The following SRBD1 variants were observed in gnomAD, a reference collection of about 807,000 sequenced individuals.
SRBD1 encodes S1 RNA-binding domain-containing protein 1.
SRBD1 carries 88 observed loss-of-function variants against 115.3 expected under a neutral mutation model. The observed-to-expected ratio is 0.76, with a 90% confidence interval of 0.64 to 0.91. The LOEUF (loss-of-function observed/expected upper bound fraction) is 0.91. Among genes scored for constraint, SRBD1 ranks in the 40% least tolerant of loss-of-function variants. The pLI is 0.00. For missense variants in SRBD1, 1,385 were observed against 1,177.4 expected (o/e 1.18, Z -2.58); for synonymous variants, 509 against 407.7 (o/e 1.25, Z -2.99).
At position 45,610,475 on chromosome 2, in the gene SRBD1, G is replaced by GA. The variant is rs1169090589; in HGVS notation, c.-1+743dup. Among the ~76,000 whole-genome samples, 6 of 152,180 alleles carry GA rather than the reference G, an allele frequency of 3.9e-5. No homozygotes were observed. In the East Asian group the frequency reaches 1.2e-3, roughly 29 times the overall value. ...TCAGAAATCTGAGACCCAATGAGGT[G>GA]AAACAGTTTACTCAAAGGGGAAAGA... On this transcript the variant is annotated intron_variant, in intron 1 of 20. Coordinates refer to ENST00000263736, the MANE Select transcript of SRBD1 (RefSeq NM_018079.5).
At chr2:45,568,474 TC>T (rs1318333318) in intron 9 of SRBD1, among the ~76,000 whole-genome samples, 2 of 152,168 alleles carry the variant, frequency 1.3e-5, no homozygotes, top group Non-Finnish European at 2.9e-5. Context: ...TAGCATATCA[TC>T]ACTCCGGCCT....
intron 12 of SRBD1, among the ~76,000 whole-genome samples, chr2:45,549,476 A>T (rs903116212): frequency 1.3e-5 from 2 of 152,040 alleles, no homozygotes; most frequent in African/African-American, 4.8e-5. Context: ...AAGCAAAAAA[A>T]TTTTTAAAAG....
chr2:45,545,013 G>A (rs1468938656), intron 14 of SRBD1, among the ~76,000 whole-genome samples: 1 of 152,006 alleles, frequency 6.6e-6, no homozygotes, highest in Non-Finnish European at 1.5e-5. Flanking sequence ...GGGCGCGGTG[G>A]CTCATGCCTG....
At chr2:45,396,424 C>T (rs957176532) in intron 19 of SRBD1, among the ~76,000 whole-genome samples, 4 of 152,134 alleles carry the variant, frequency 2.6e-5, no homozygotes, top group Non-Finnish European at 4.4e-5. Flanking sequence ...GTCATATTCT[C>T]ATTTTCTCCA....
chr2:45,391,693 C>G (rs886227397), intron 20 of SRBD1, among the ~76,000 whole-genome samples: 9 of 152,034 alleles, frequency 5.9e-5, no homozygotes, highest in African/African-American at 2.2e-4. Context: ...AGTCCAGAGC[C>G]CAGATGCATC....
intron 14 of SRBD1, among the ~76,000 whole-genome samples, chr2:45,514,494 C>T (rs1381667681): frequency 6.6e-6 from 1 of 152,182 alleles, no homozygotes; most frequent in Non-Finnish European, 1.5e-5. Flanking sequence ...CTGCGTTTAA[C>T]TCCTAAAGTG....
intron 16 of SRBD1, among the ~76,000 whole-genome samples, chr2:45,466,225 G>C (rs1669484141): frequency 6.6e-6 from 1 of 152,092 alleles, no homozygotes; most frequent in Admixed American, 6.6e-5. Context: ...AAGAAATGTA[G>C]GGGAACAACT....
At chr2:45,481,382 G>A (rs1669959022) in intron 15 of SRBD1, among the ~76,000 whole-genome samples, 1 of 152,066 alleles carries the variant, frequency 6.6e-6, no homozygotes, top group Non-Finnish European at 1.5e-5. Flanking sequence ...GAAAGTAAGA[G>A]GGAGGTAGCT....
At chr2:45,398,327 G>C (rs1667203283) in intron 19 of SRBD1, among the ~76,000 whole-genome samples, 1 of 151,742 alleles carries the variant, frequency 6.6e-6, no homozygotes, top group Non-Finnish European at 1.5e-5. Context: ...GTTATTTCTT[G>C]GTACCATTTG....
At chr2:45,495,663 A>C (rs975857945) in intron 14 of SRBD1, among the ~76,000 whole-genome samples, 3 of 152,220 alleles carry the variant, frequency 2.0e-5, no homozygotes, top group Admixed American at 1.3e-4. Flanking sequence ...CTGATGCGTA[A>C]GTGGCATTCG....
intron 16 of SRBD1, among the ~76,000 whole-genome samples, chr2:45,429,610 A>G (rs1668269528): frequency 6.6e-6 from 1 of 152,096 alleles, no homozygotes; most frequent in Admixed American, 6.6e-5. Flanking sequence ...CATGCTAAAA[A>G]CTCTTAATAA....
intron 3 of SRBD1, among the ~76,000 whole-genome samples, chr2:45,601,089 T>G (rs913079258): frequency 5.9e-5 from 9 of 152,186 alleles, no homozygotes; most frequent in African/African-American, 2.2e-4. Context: ...TTGACATATC[T>G]AAAGAAAGTG....
In SRBD1 at chr2:45,562,723, C is replaced by A. The variant is rs756946905; in HGVS notation, c.1339G>T (p.Val447Leu). The change falls in exon 10 of 21, where the codon GTA (valine) becomes TTA (leucine). Residue 447 changes from valine to leucine, a missense_variant. Physicochemically the swap from Val to Leu is conservative, Grantham distance 32 (BLOSUM62 1). Transcript: ENST00000263736. Reference sequence around the variant, plus strand: ...GAAATATTGACCTTAACCGTCAGTACCTTCAAATTTTCTCCACGGTTAATT... The same window carrying A: ...GAAATATTGACCTTAACCGTCAGTAACTTCAAATTTTCTCCACGGTTAATT... ...LAINRGENLK[V>L]LTVKVNISDG... is the part of the protein sequence containing the mutation. The A allele has an allele frequency of 1.2e-6, 2 of 1,610,272 alleles. No individual in the cohort carries two copies. Among genetic ancestry groups the A allele is most frequent in the South Asian group, 2.2e-5 (2 of 90,258 alleles).
intron 4 of SRBD1, among the ~76,000 whole-genome samples, chr2:45,598,004 T>G (rs1026712130): frequency 6.6e-6 from 1 of 152,122 alleles, no homozygotes; most frequent in Non-Finnish European, 1.5e-5. Context: ...GGAAATAACC[T>G]TAAAAAGCGT....
intron 4 of SRBD1, among the ~76,000 whole-genome samples, chr2:45,596,945 CACACA>C (rs1673916110): frequency 6.7e-6 from 1 of 148,386 alleles, no homozygotes; most frequent in African/African-American, 2.5e-5. Context: ...CACACACACA[CACACA>C]CCCACAACCC....
intron 18 of SRBD1, among the ~76,000 whole-genome samples, chr2:45,417,391 C>A (rs1025642207): frequency 5.9e-5 from 9 of 152,240 alleles, no homozygotes; most frequent in Admixed American, 5.9e-4. Flanking sequence ...ACCTTTACCA[C>A]AAACTAAATT....
At chr2:45,446,726 C>CA (rs1434906710) in intron 16 of SRBD1, among the ~76,000 whole-genome samples, 6 of 149,864 alleles carry the variant, frequency 4.0e-5, no homozygotes, top group African/African-American at 9.8e-5. Flanking sequence ...AGAACACCTA[C>CA]AAAAAAACAA....
At chr2:45,507,613 C>A (rs1670836615) in intron 14 of SRBD1, among the ~76,000 whole-genome samples, 1 of 151,626 alleles carries the variant, frequency 6.6e-6, no homozygotes, top group Admixed American at 6.6e-5. Context: ...CCCAGCTACT[C>A]AAGAGGCTGA....
intron 14 of SRBD1, among the ~76,000 whole-genome samples, chr2:45,519,383 GA>G (rs2103949793): frequency 6.6e-6 from 1 of 152,172 alleles, no homozygotes; most frequent in South Asian, 2.1e-4. Context: ...TTGGTCCAGG[GA>G]AACAAAAGCC....
Sources: allele counts gnomAD v4.1 joint callset (sites outside exome capture counted in the v4.1 genomes callset), GRCh38; gene constraint gnomAD v4.1.1; transcripts MANE v1.5; gene names NCBI Gene and HGNC (gene_info 2026-07-23, HGNC 2026-07-21).